CTSC: variants seen among roughly 807,000 people sequenced by gnomAD.
CTSC encodes dipeptidyl peptidase 1.
CTSC carries 37 observed loss-of-function variants against 40.9 expected under a neutral mutation model. That is an observed-to-expected ratio of 0.91 (90% CI 0.70 to 1.19). The LOEUF is 1.19. CTSC is among the 50% of genes most tolerant of loss of function. The pLI is 0.00. For synonymous variants in CTSC, 232 were observed against 207.4 expected (o/e 1.12, Z -1.02); for missense variants, 594 against 567.3 (o/e 1.05, Z -0.48).
intron 2 of CTSC, among the ~76,000 whole-genome samples, chr11:88,331,101 T>C (rs112870108): frequency 1.2e-4 from 19 of 152,236 alleles, no homozygotes; most frequent in African/African-American, 4.6e-4. Context: ...CAACAATCAA[T>C]ACAAAAGACT....
At chr11:88,313,998 A>T (rs899640865) in intron 2 of CTSC, among the ~76,000 whole-genome samples, 3 of 152,176 alleles carry the variant, frequency 2.0e-5, no homozygotes, top group Non-Finnish European at 4.4e-5. Flanking sequence ...CACAGGGGTC[A>T]ACTATGTTTC....
intron 1 of CTSC, among the ~76,000 whole-genome samples, chr11:88,335,611 A>G (rs1368100775): frequency 6.6e-6 from 1 of 152,180 alleles, no homozygotes; most frequent in Non-Finnish European, 1.5e-5. Context: ...GCAGCCCAGC[A>G]GGCAGGGAGA....
chr11:88,298,964 A>T (rs892350375), intron 5 of CTSC: 7 of 152,208 alleles, frequency 4.6e-5, no homozygotes, highest in African/African-American at 1.2e-4. Flanking sequence ...CAATGAATTT[A>T]AAAAATGCTT....
At chr11:88,303,450 T>C (rs1175454653) in intron 4 of CTSC, among the ~76,000 whole-genome samples, 3 of 152,222 alleles carry the variant, frequency 2.0e-5, no homozygotes, top group Non-Finnish European at 4.4e-5. Flanking sequence ...GTTCAATTAA[T>C]TTGCTAGAGT....
At chr11:88,317,932 A>G (rs1937916013) in intron 2 of CTSC, among the ~76,000 whole-genome samples, 1 of 152,242 alleles carries the variant, frequency 6.6e-6, no homozygotes, top group Non-Finnish European at 1.5e-5. Flanking sequence ...TGCTTCTTCA[A>G]TATTACCATT....
At chr11:88,325,298 T>C (rs1167280518) in intron 2 of CTSC, 3 of 985,272 alleles carry the variant, frequency 3.0e-6, no homozygotes, top group Non-Finnish European at 2.4e-6. Context: ...TGGTCTTCAA[T>C]GAAAAAACCC....
chr11:88,293,848 T>C lies in CTSC; in HGVS notation c.*158A>G. On this transcript the variant is annotated 3_prime_UTR_variant, in exon 7 of 7. Transcript: ENST00000227266. Reference sequence around the variant, plus strand: ...ATGGCCAGTGGCCGATTGAAAGGTATATTAAAATTAAGGGCAGTTTTAATT... The same window carrying C: ...ATGGCCAGTGGCCGATTGAAAGGTACATTAAAATTAAGGGCAGTTTTAATT... 2 of 855,866 alleles carry C rather than the reference T, an allele frequency of 2.3e-6. No homozygotes were observed. Among genetic ancestry groups the C allele is most frequent in the East Asian group, 2.6e-5 (1 of 38,012 alleles). The allele number at this position is 855,866 out of a possible 1,614,324, so 53.0% of individuals were successfully genotyped here.
intron 6 of CTSC, 121 bp from the exon 7 acceptor site, chr11:88,294,629 A>G: frequency 9.2e-7 from 1 of 1,091,502 alleles, no homozygotes; most frequent in Non-Finnish European, 1.4e-6. Flanking sequence ...TCTTAGCTTA[A>G]GCATCACTTC....
intron 2 of CTSC, chr11:88,325,658 A>G (rs1045593251): frequency 1.0e-6 from 1 of 985,200 alleles, no homozygotes; most frequent in African/African-American, 1.7e-5. Context: ...AGCTTATAGT[A>G]TGTCAACTTC....
At chr11:88,329,836 A>G (rs1591243053) in intron 2 of CTSC, among the ~76,000 whole-genome samples, 3 of 152,180 alleles carry the variant, frequency 2.0e-5, no homozygotes. Context: ...AAGTGATTCT[A>G]CTGCCTCGGC....
At chr11:88,305,479 A>C (rs1012793079) in intron 4 of CTSC, among the ~76,000 whole-genome samples, 1 of 152,212 alleles carries the variant, frequency 6.6e-6, no homozygotes, top group Non-Finnish European at 1.5e-5. Flanking sequence ...ATTGGCTCTT[A>C]ATCTTTTGGC....
chr11:88,337,570 G>A lies in CTSC; in HGVS notation c.103C>T (p.Leu35=), dbSNP rs1212826772. Residue 35 remains leucine (L), a synonymous_variant, in exon 1 of 7, where the codon CTG becomes TTG. Transcript: ENST00000227266. ...DTPANCTYLD[L]LGTWVFQVGS... The stretch of plus-strand genomic sequence containing the variant: ...ACCTGGAAGACCCAGGTGCCCAGCA[G>A]GTCAAGATAGGTGCAGTTGGCAGGT... 4 of 1,576,104 alleles carry A rather than the reference G, an allele frequency of 2.5e-6. No homozygotes were observed. The highest frequency in any genetic ancestry group is 3.4e-6 in the Non-Finnish European group (4 of 1,159,986).
chr11:88,308,380 TCAATTACTC>T (rs1389123809), intron 4 of CTSC, among the ~76,000 whole-genome samples: 14 of 151,766 alleles, frequency 9.2e-5, no homozygotes, highest in African/African-American at 3.4e-4. Context: ...TGCAACTCCA[TCAATTACTC>T]CAGCAAATAA....
At chr11:88,334,372 A>C (rs953964134) in intron 2 of CTSC, among the ~76,000 whole-genome samples, 6 of 152,238 alleles carry the variant, frequency 3.9e-5, no homozygotes, top group African/African-American at 7.2e-5. Context: ...GAGAGAAGGA[A>C]ACAAGCTGGG....
chr11:88,294,696 C>T (rs1256479713), intron 6 of CTSC, among the ~76,000 whole-genome samples, 188 bp from the exon 7 acceptor site: 2 of 152,154 alleles, frequency 1.3e-5, no homozygotes, highest in East Asian at 1.9e-4. Context: ...TTCTACTTAA[C>T]AGATATCTAC....
chr11:88,326,218 TC>T (rs1938181014), intron 2 of CTSC: 2 of 1,417,526 alleles, frequency 1.4e-6, no homozygotes, highest in Admixed American at 5.6e-5. Flanking sequence ...TTTACTGTTT[TC>T]CAAGGGAGTG....
chr11:88,311,147 TTGGGAGCTTCTTCACTAAA>T (rs1460729686), intron 3 of CTSC, among the ~76,000 whole-genome samples: 1 of 152,202 alleles, frequency 6.6e-6, no homozygotes, highest in Non-Finnish European at 1.5e-5. Context: ...AGCACTCCGG[TTGGGAGCTTCTTCACTAAA>T]TGAGAGAATG....
chr11:88,305,843 G>A (rs1937626059), intron 4 of CTSC, among the ~76,000 whole-genome samples: 1 of 152,202 alleles, frequency 6.6e-6, no homozygotes, highest in Non-Finnish European at 1.5e-5. Context: ...AGCTTTAGCA[G>A]GAGTCCTCAG....
chr11:88,295,784 C>T (rs1944291912), intron 6 of CTSC, among the ~76,000 whole-genome samples: 1 of 152,128 alleles, frequency 6.6e-6, no homozygotes, highest in Non-Finnish European at 1.5e-5. Context: ...AACTCCAATG[C>T]TAAAAGCTGT....
Sources: gnomAD v4.1 joint callset for allele counts (sites outside exome capture counted in the v4.1 genomes callset) on GRCh38, gnomAD v4.1.1 for gene constraint, MANE v1.5 for transcripts, NCBI Gene and HGNC (gene_info 2026-07-23, HGNC 2026-07-21) for gene names.